STK3: variants seen among roughly 807,000 people sequenced by gnomAD.
STK3 encodes serine/threonine-protein kinase 3.
Under a neutral mutation model 58.0 loss-of-function variants are expected in STK3, and 41 were observed. The ratio of observed to expected loss-of-function variants is 0.71; its 90% CI spans 0.55 to 0.92. The LOEUF (loss-of-function observed/expected upper bound fraction) is 0.92. Among genes scored for constraint, STK3 ranks in the 40% least tolerant of loss-of-function variants. STK3 has a pLI of 0.00. For missense variants in STK3, 479 were observed against 602.7 expected, an observed-to-expected ratio of 0.79 and a Z score of 2.15; for synonymous variants, 170 against 191.0, an observed-to-expected ratio of 0.89 and a Z score of 0.91.
chr8:98,510,084 G>A (rs1192199975), intron 10 of STK3, among the ~76,000 whole-genome samples: 2 of 151,958 alleles, frequency 1.3e-5, no homozygotes, highest in African/African-American at 2.4e-5. Flanking sequence ...ATTGGTGTCC[G>A]GGTTACACAC....
intron 3 of STK3, among the ~76,000 whole-genome samples, chr8:98,755,762 C>A (rs148783984): frequency 1.3e-5 from 2 of 152,292 alleles, no homozygotes; most frequent in Admixed American, 1.3e-4. Context: ...CTGCCTCCCC[C>A]AGAAGAACAG....
chr8:98,533,618 G>C (rs1809503662), intron 9 of STK3, among the ~76,000 whole-genome samples: 1 of 152,070 alleles, frequency 6.6e-6, no homozygotes, highest in Non-Finnish European at 1.5e-5. Context: ...CTCCTGAGTA[G>C]CTAGGACTAC....
intron 3 of STK3, among the ~76,000 whole-genome samples, chr8:98,868,281 CA>C (rs1330324044): frequency 2.6e-5 from 4 of 152,244 alleles, no homozygotes; most frequent in Non-Finnish European, 5.9e-5. Flanking sequence ...ATTCAATTCT[CA>C]AAGAAGTCTC....
At chr8:98,447,835 T>C (rs981521047) in intron 1 of STK3, among the ~76,000 whole-genome samples, 9 of 148,944 alleles carry the variant, frequency 6.0e-5, no homozygotes, top group Admixed American at 4.7e-4. Flanking sequence ...CCAGGATTCA[T>C]TGAACAAGAT....
chr8:98,908,851 A>G (rs1244810682), intron 1 of STK3, among the ~76,000 whole-genome samples: 1 of 150,860 alleles, frequency 6.6e-6, no homozygotes, highest in Non-Finnish European at 1.5e-5. Context: ...CTCAAAAAAA[A>G]AAAAAAAAAA....
chr8:98,651,050 C>G lies in STK3; in HGVS notation c.685-54881G>C, dbSNP rs181811986. 2.7e-3 allele frequency among the ~76,000 whole-genome samples: 406 copies of G among 152,366 alleles called. 2 individuals carry two copies. The highest frequency in any genetic ancestry group is 9.4e-3 in the African/African-American group (389 of 41,596). The stretch of plus-strand genomic sequence containing the variant: ...GGCAGACTGCCTCCTCAAGTGGGTC[C>G]CTGACCCCTGGCCCTGGAGCCGCCT... On this transcript the variant is annotated intron_variant, in intron 6 of 10. Coordinates refer to ENST00000419617, the MANE Select transcript of STK3 (RefSeq NM_006281.4).
intron 6 of STK3, among the ~76,000 whole-genome samples, chr8:98,663,669 C>T (rs1587218622): frequency 6.6e-6 from 1 of 152,158 alleles, no homozygotes; most frequent in Non-Finnish European, 1.5e-5. Flanking sequence ...GGCACATATA[C>T]ACCATGGAAT....
intron 1 of STK3, among the ~76,000 whole-genome samples, chr8:98,936,151 C>T (rs1441009268): frequency 6.6e-6 from 1 of 152,140 alleles, no homozygotes; most frequent in Non-Finnish European, 1.5e-5. Flanking sequence ...ATCTCCTAAG[C>T]TTGTGATCCA....
intron 1 of STK3, among the ~76,000 whole-genome samples, chr8:98,447,617 TAG>T: frequency 6.8e-6 from 1 of 146,738 alleles, no homozygotes; most frequent in African/African-American, 2.5e-5. Context: ...ATACTATATA[TAG>T]TATCTATATA....
downstream of STK3, among the ~76,000 whole-genome samples, chr8:98,401,004 C>T (rs1375742742): frequency 6.6e-6 from 1 of 152,082 alleles, no homozygotes; most frequent in African/African-American, 2.4e-5. Flanking sequence ...CTTTTGACTG[C>T]TCCAACTGAT....
At chr8:98,845,033 G>T (rs1464301950) in intron 3 of STK3, among the ~76,000 whole-genome samples, 2 of 152,142 alleles carry the variant, frequency 1.3e-5, no homozygotes, top group African/African-American at 4.8e-5. Flanking sequence ...GTTCCTTCTG[G>T]ATCCCTGGAC....
At chr8:98,644,528 A>G (rs1023321885) in intron 6 of STK3, among the ~76,000 whole-genome samples, 2 of 152,154 alleles carry the variant, frequency 1.3e-5, no homozygotes, top group African/African-American at 4.8e-5. Context: ...TATTTTTAGG[A>G]CATTCACATG....
At chr8:98,838,366 A>G (rs919250337) in intron 3 of STK3, among the ~76,000 whole-genome samples, 1 of 152,106 alleles carries the variant, frequency 6.6e-6, no homozygotes, top group Non-Finnish European at 1.5e-5. Flanking sequence ...TGTGGCCTCT[A>G]TGAATAATTT....
At chr8:98,344,892 C>CTCAAA in the STK3 span, among the ~76,000 whole-genome samples, 1 of 47,402 alleles carries the variant, frequency 2.1e-5, no homozygotes. Flanking sequence ...GACTCCGTCT[C>CTCAAA]AAAAAAAAAA....
intron 8 of STK3, among the ~76,000 whole-genome samples, chr8:98,563,414 C>T (rs58733089): frequency 0.018 from 2,662 of 151,990 alleles, 74 homozygotes; most frequent in African/African-American, 0.061. Flanking sequence ...CATATATATA[C>T]ACACACACAC....
At chr8:98,757,696 A>G (rs1196759209) in intron 3 of STK3, among the ~76,000 whole-genome samples, 2 of 151,844 alleles carry the variant, frequency 1.3e-5, no homozygotes. Flanking sequence ...ATATGCATTC[A>G]AATTCACATT....
intron 10 of STK3, among the ~76,000 whole-genome samples, chr8:98,519,919 A>G (rs991378677): frequency 1.3e-5 from 2 of 152,264 alleles, no homozygotes; most frequent in African/African-American, 4.8e-5. Context: ...AATTACTGTC[A>G]ATCCAATTTC....
chr8:98,681,654 GTAATGAAATTCAGCAGC>G (rs1003637311), intron 6 of STK3, among the ~76,000 whole-genome samples: 78 of 152,212 alleles, frequency 5.1e-4, no homozygotes, highest in African/African-American at 1.7e-3. Flanking sequence ...AAACTATACA[GTAATGAAATTCAGCAGC>G]TAAAAATATA....
At chr8:98,765,666 C>A (rs938464579) in intron 3 of STK3, among the ~76,000 whole-genome samples, 2 of 152,194 alleles carry the variant, frequency 1.3e-5, no homozygotes, top group African/African-American at 4.8e-5. Context: ...GCTGTAGCAG[C>A]CCTGTTGTAG....
Sources: gnomAD v4.1 joint callset for allele counts (sites outside exome capture counted in the v4.1 genomes callset) on GRCh38, gnomAD v4.1.1 for gene constraint, MANE v1.5 for transcripts, NCBI Gene and HGNC (gene_info 2026-07-23, HGNC 2026-07-21) for gene names.